MDGA2: variants seen among roughly 807,000 people sequenced by gnomAD.
MDGA2 encodes the protein MAM domain-containing glycosylphosphatidylinositol anchor protein 2.
Under a neutral mutation model 117.8 loss-of-function variants are expected in MDGA2, and 40 were observed. That is an observed-to-expected ratio of 0.34 (90% CI 0.26 to 0.44). MDGA2 has a LOEUF of 0.44. Among genes scored for constraint, MDGA2 ranks in the 20% least tolerant of loss-of-function variants. The pLI, the probability that MDGA2 is intolerant of heterozygous loss-of-function variation, is 1.00. For missense variants in MDGA2, 1,123 were observed against 1,250.6 expected, an observed-to-expected ratio of 0.90 and a Z score of 1.54; for synonymous variants, 452 against 439.0, an observed-to-expected ratio of 1.03 and a Z score of -0.37.
At chr14:46,977,439 CTAACTA>C (rs1244969707) in intron 8 of MDGA2, among the ~76,000 whole-genome samples, 3 of 151,686 alleles carry the variant, frequency 2.0e-5, no homozygotes, top group African/African-American at 4.8e-5. Context: ...ATAAGTAACC[CTAACTA>C]TATTAGTAAG....
Position 47,366,619 on chromosome 14 carries a change from C to T in MDGA2, c.281-65069G>A, listed in dbSNP as rs1336127348. On this transcript the variant is annotated intron_variant, in intron 1 of 16. Transcript: ENST00000399232. ...AATAAAAGGGACAGTATAACATATTCGTCTGTTACAAAAAATATGTACTAT... is the reference window on the plus strand; with the variant it reads ...AATAAAAGGGACAGTATAACATATTTGTCTGTTACAAAAAATATGTACTAT... Among the ~76,000 whole-genome samples the T allele has an allele frequency of 4.0e-5, 6 of 151,816 alleles. No homozygotes were observed. The South Asian group carries it at 8.3e-4, about 21-fold the overall frequency.
chr14:47,639,114 T>C (rs1034313800), intron 1 of MDGA2, among the ~76,000 whole-genome samples: 1 of 152,192 alleles, frequency 6.6e-6, no homozygotes, highest in African/African-American at 2.4e-5. Context: ...CTGCCATTTT[T>C]CTTTATCTTC....
intron 1 of MDGA2, among the ~76,000 whole-genome samples, chr14:47,625,310 C>CA (rs34504236): frequency 0.093 from 13,532 of 146,282 alleles, 1,589 homozygotes; most frequent in African/African-American, 0.27. Context: ...TATGCAAAAA[C>CA]AAAAAAAAAA....
At chr14:47,311,263 G>A (rs749966494) in intron 1 of MDGA2, among the ~76,000 whole-genome samples, 7 of 151,990 alleles carry the variant, frequency 4.6e-5, no homozygotes, top group South Asian at 2.1e-4. Flanking sequence ...GCATAAATTG[G>A]GTAATTAGAG....
chr14:47,064,795 A>G (rs1447206546), intron 6 of MDGA2, among the ~76,000 whole-genome samples: 1 of 152,062 alleles, frequency 6.6e-6, no homozygotes. Context: ...TTATAATTAA[A>G]CGCTCTCTTT....
In MDGA2 at chr14:47,149,540, C is replaced by T. The variant is rs1461293444; in HGVS notation, c.596-5266G>A. On this transcript the variant is annotated intron_variant, in intron 3 of 16. Transcript: ENST00000399232. ...CTGCTTTAGTCAAGGAGGTATTCTC[C>T]AAGCCTTTACAAAGAAAAAGTGAGC... Among the ~76,000 whole-genome samples, 3 of 152,150 alleles carry T rather than the reference C, an allele frequency of 2.0e-5. No homozygotes were observed. In the East Asian group the frequency reaches 5.8e-4, roughly 29 times the overall value.
intron 1 of MDGA2, among the ~76,000 whole-genome samples, chr14:47,432,632 T>C (rs1466713681): frequency 6.6e-6 from 1 of 152,026 alleles, no homozygotes; most frequent in Non-Finnish European, 1.5e-5. Context: ...TGTGCCCTTC[T>C]GACAAAAAGA....
chr14:47,637,440 A>G (rs1897343866), intron 1 of MDGA2, among the ~76,000 whole-genome samples: 1 of 152,264 alleles, frequency 6.6e-6, no homozygotes, highest in African/African-American at 2.4e-5. Flanking sequence ...CCACTCTCCT[A>G]ATAGCTAAGT....
chr14:46,986,499 T>C (rs1886863505), intron 8 of MDGA2, among the ~76,000 whole-genome samples: 1 of 121,374 alleles, frequency 8.2e-6, no homozygotes, highest in Admixed American at 9.2e-5. Context: ...ATCCCAATCA[T>C]ATTCCCCCAA....
chr14:47,639,004 C>T (rs577252590), intron 1 of MDGA2, among the ~76,000 whole-genome samples: 28 of 152,246 alleles, frequency 1.8e-4, no homozygotes, highest in Admixed American at 1.7e-3. Flanking sequence ...TTTCCTCACC[C>T]TGCAATACTC....
chr14:47,256,323 A>G (rs749081594), intron 2 of MDGA2, among the ~76,000 whole-genome samples: 1 of 152,052 alleles, frequency 6.6e-6, no homozygotes, highest in Non-Finnish European at 1.5e-5. Flanking sequence ...AAAATATTCA[A>G]TATGCCTGCC....
intron 1 of MDGA2, among the ~76,000 whole-genome samples, chr14:47,522,128 A>T (rs1894880018): frequency 6.6e-6 from 1 of 152,194 alleles, no homozygotes; most frequent in African/African-American, 2.4e-5. Flanking sequence ...AACTAAAATT[A>T]AACACATTAA....
At chr14:47,389,363 TATA>T (rs1240289302) in intron 1 of MDGA2, among the ~76,000 whole-genome samples, 1 of 152,128 alleles carries the variant, frequency 6.6e-6, no homozygotes, top group African/African-American at 2.4e-5. Context: ...CAAACTGACA[TATA>T]ATGACTAAAA....
At chr14:47,431,311 GAAAAATATA>G (rs1452135873) in intron 1 of MDGA2, among the ~76,000 whole-genome samples, 1 of 151,598 alleles carries the variant, frequency 6.6e-6, no homozygotes, top group Non-Finnish European at 1.5e-5. Context: ...TTAGGGAGGG[GAAAAATATA>G]AAATTTTCTA....
intron 2 of MDGA2, among the ~76,000 whole-genome samples, chr14:47,229,631 A>G (rs1886621567): frequency 6.6e-6 from 1 of 152,088 alleles, no homozygotes; most frequent in Admixed American, 6.6e-5. Context: ...AACTGCATTC[A>G]TTAGAAATGC....
At chr14:46,953,747 G>A (rs532507208) in intron 9 of MDGA2, among the ~76,000 whole-genome samples, 1 of 152,074 alleles carries the variant, frequency 6.6e-6, no homozygotes, top group South Asian at 2.1e-4. Flanking sequence ...TAGTTAGTGG[G>A]AACATAATTA....
chr14:46,967,896 C>CTT (rs1886099797), intron 8 of MDGA2, among the ~76,000 whole-genome samples: 1 of 152,102 alleles, frequency 6.6e-6, no homozygotes, highest in African/African-American at 2.4e-5. Context: ...AATATAGTCC[C>CTT]TCCTCTTCTC....
chr14:47,631,294 G>A (rs1010091290), intron 1 of MDGA2, among the ~76,000 whole-genome samples: 17 of 152,084 alleles, frequency 1.1e-4, no homozygotes, highest in Non-Finnish European at 1.2e-4. Context: ...CTATGTAATG[G>A]ACACTTTCTA....
chr14:47,080,000 G>A (rs1890649912), intron 6 of MDGA2, among the ~76,000 whole-genome samples: 1 of 152,016 alleles, frequency 6.6e-6, no homozygotes, highest in Non-Finnish European at 1.5e-5. Context: ...CAAAGTGCTG[G>A]GATTACAGGC....
Sources: allele counts gnomAD v4.1 joint callset (sites outside exome capture counted in the v4.1 genomes callset), GRCh38; gene constraint gnomAD v4.1.1; transcripts MANE v1.5; gene names NCBI Gene and HGNC (gene_info 2026-07-23, HGNC 2026-07-21).